ANKRD42: variants seen among roughly 807,000 people sequenced by gnomAD.
ANKRD42 encodes ankyrin repeat domain-containing protein 42.
ANKRD42 carries 43 observed loss-of-function variants against 51.5 expected under a neutral mutation model. The observed-to-expected ratio is 0.83, with a 90% confidence interval of 0.65 to 1.08. The LOEUF is 1.08. Ranked by LOEUF, ANKRD42 falls within the 50% of genes least tolerant of loss-of-function variation. The pLI, the probability that ANKRD42 is intolerant of heterozygous loss-of-function variation, is 0.00. For missense variants in ANKRD42, 608 were observed against 629.3 expected (o/e 0.97, Z 0.36); for synonymous variants, 203 against 213.0 (o/e 0.95, Z 0.41).
intron 8 of ANKRD42, among the ~76,000 whole-genome samples, chr11:83,237,799 T>A (rs1354350455): frequency 6.6e-6 from 1 of 152,200 alleles, no homozygotes; most frequent in Non-Finnish European, 1.5e-5. Flanking sequence ...TGTATGCGTA[T>A]CCTGTGAAAC....
rs1407741824 is a variant in ANKRD42 at position 83,194,617 on chromosome 11, C to T, written c.-54C>T. 20 of 1,582,874 alleles carry T rather than the reference C, an allele frequency of 1.3e-5. No homozygotes were observed. The highest frequency in any genetic ancestry group is 9.4e-5 in the African/African-American group (7 of 74,248). On this transcript the variant is annotated 5_prime_UTR_variant, in exon 1 of 11. Transcript: ENST00000533342. ...GTGGGTGAGAGCAAGTGAAGACCGC[C>T]GCAGCATCAGGGGCCTGGACTCAAC...
In ANKRD42 at chr11:83,194,158, G is replaced by T; in HGVS notation, c.-513G>T. 1 of 457,050 alleles carries T rather than the reference G, an allele frequency of 2.2e-6. No individual in the cohort carries two copies. Among genetic ancestry groups the T allele is most frequent in the South Asian group, 1.5e-5 (1 of 64,566 alleles). 28.3% of individuals were successfully genotyped at this position (457,050 alleles called of 1,614,324 possible). On this transcript the variant is annotated 5_prime_UTR_variant, in exon 1 of 11. Coordinates refer to ENST00000533342, the MANE Select transcript of ANKRD42 (RefSeq NM_001300975.2). ...AGACAGCACCTTCTGCAGCAGCGAC[G>T]TGAATTTTAGTGAAGTTGGAGGCCA...
intron 5 of ANKRD42, 47 bp downstream of exon 5, chr11:83,211,477 T>C (rs1305507067): frequency 6.3e-7 from 1 of 1,589,936 alleles, no homozygotes; most frequent in East Asian, 2.2e-5. Flanking sequence ...GATGTAAACT[T>C]TTAAATGTTT....
intron 8 of ANKRD42, among the ~76,000 whole-genome samples, chr11:83,237,467 A>G (rs1378749872): frequency 6.6e-6 from 1 of 152,214 alleles, no homozygotes; most frequent in Non-Finnish European, 1.5e-5. Context: ...ACAACACCTT[A>G]TATGTTTGAA....
intron 5 of ANKRD42, among the ~76,000 whole-genome samples, chr11:83,219,038 C>G (rs573995572): frequency 6.6e-6 from 1 of 152,028 alleles, no homozygotes; most frequent in African/African-American, 2.4e-5. Context: ...CAAATTTGTC[C>G]CAGTAATTCA....
Position 83,206,086 on chromosome 11 carries a change from C to G in ANKRD42, c.251C>G (p.Ala84Gly), listed in dbSNP as rs747686923. 6 of 1,613,866 alleles carry G rather than the reference C, an allele frequency of 3.7e-6. No individual in the cohort carries two copies. Among genetic ancestry groups the G allele is most frequent in the Non-Finnish European group, 5.1e-6 (6 of 1,179,918 alleles). Residue 84 changes from alanine (A) to glycine (G), a missense_variant, in exon 3 of 11, where the codon GCT becomes GGT. Physicochemically the swap from Ala to Gly is moderately conservative, Grantham distance 60. Coordinates refer to ENST00000533342, the MANE Select transcript of ANKRD42 (RefSeq NM_001300975.2). ...CTTCATTGGCTGCTCTGGCATGGAG[C>G]TGATATCACACACGTAACAACGAGA... ...ECLHWLLWHG[A>G]DITHVTTRGW... is the part of the protein sequence containing the mutation.
In ANKRD42 at chr11:83,236,490, C is replaced by G; in HGVS notation, c.1000C>G (p.Pro334Ala). 1 of 1,610,614 alleles carries G rather than the reference C, an allele frequency of 6.2e-7. No homozygotes were observed. The highest frequency in any genetic ancestry group is 8.5e-7 in the Non-Finnish European group (1 of 1,178,584). Reference sequence around the variant, plus strand: ...TATTACCAACAAAGCAGGGGAGAGACCCAGTGATGTGGCAAAGAGGTATAA... The same window carrying G: ...TATTACCAACAAAGCAGGGGAGAGAGCCAGTGATGTGGCAAAGAGGTATAA... ...SNITNKAGERPSDVAKRFAHL... is the reference protein window; with the variant it reads ...SNITNKAGERASDVAKRFAHL... Residue 334 changes from proline to alanine, a missense_variant, in exon 8 of 11, where the codon CCC (proline) becomes GCC (alanine). Pro to Ala is a conservative substitution (Grantham distance 27, BLOSUM62 -1). Transcript: ENST00000533342.
intron 4 of ANKRD42, among the ~76,000 whole-genome samples, chr11:83,210,849 G>A (rs542780169): frequency 2.0e-5 from 3 of 152,290 alleles, no homozygotes; most frequent in African/African-American, 7.2e-5. Context: ...ATTTTATTAT[G>A]TAGTGGTTGT....
chr11:83,238,896 C>G (rs1022990551), intron 8 of ANKRD42, among the ~76,000 whole-genome samples: 1 of 151,644 alleles, frequency 6.6e-6, no homozygotes, highest in Non-Finnish European at 1.5e-5. Flanking sequence ...GTCCCAGCTA[C>G]TACTTGGGAG....
chr11:83,209,641 C>G (rs1862228773), intron 3 of ANKRD42: 5 of 818,764 alleles, frequency 6.1e-6, no homozygotes, highest in Non-Finnish European at 1.1e-5. Flanking sequence ...AGAAATGAAG[C>G]TGGCAAGCTG....
In ANKRD42 at chr11:83,211,345, T is replaced by C; in HGVS notation, c.501T>C (p.Ala167=). 6.2e-7 allele frequency: 1 copy of C among 1,614,204 alleles called. No individual in the cohort carries two copies. The highest frequency in any genetic ancestry group is 8.5e-7 in the Non-Finnish European group (1 of 1,180,026). ...AATGGAGACCTGTGCATTATGCAGCTTTTCATGGGCGGCTTGGCTGCTTGC... is the reference window on the plus strand; with the variant it reads ...AATGGAGACCTGTGCATTATGCAGCCTTTCATGGGCGGCTTGGCTGCTTGC... ...KREWRPVHYA[A]FHGRLGCLQL... The change falls in exon 5 of 11, where the codon GCT becomes GCC. Residue 167 remains alanine (A), a synonymous_variant. Transcript: ENST00000533342.
In ANKRD42 at chr11:83,248,230, G is replaced by T. The variant is rs771620271; in HGVS notation, c.*26G>T. The T allele has an allele frequency of 2.0e-6, 3 of 1,466,064 alleles. No individual in the cohort carries two copies. The highest frequency in any genetic ancestry group is 2.7e-5 in the South Asian group (2 of 73,518). The allele number at this position is 1,466,064 out of a possible 1,614,324, so 90.8% of individuals were successfully genotyped here. ...TTTGGGCTACTCATTTAACCTTTTT[G>T]TGCCTCAACTATAAACTGGAGATGA... is the stretch of plus-strand genomic sequence containing the variant. On this transcript the variant is annotated 3_prime_UTR_variant, in exon 11 of 11. Transcript: ENST00000533342.
chr11:83,250,913 A>G (rs1321875469), downstream of ANKRD42, among the ~76,000 whole-genome samples: 1 of 152,140 alleles, frequency 6.6e-6, no homozygotes. Context: ...TATCTGAACT[A>G]CTGTGATAGA....
chr11:83,209,154 T>C lies in ANKRD42; in HGVS notation c.331-1146T>C, dbSNP rs186617130. On this transcript the variant is annotated intron_variant, in intron 3 of 10. Coordinates refer to ENST00000533342, the MANE Select transcript of ANKRD42 (RefSeq NM_001300975.2). ...TTCTGCTTTTGAATTAGTGAAAGTT[T>C]AATTTCAGTTTTATCAGGTTAGAAT... Among the ~76,000 whole-genome samples, 16 of 152,324 alleles carry C rather than the reference T, an allele frequency of 1.1e-4. No individual in the cohort carries two copies. The East Asian group carries it at 2.9e-3, about 28-fold the overall frequency.
At chr11:83,250,234 G>C (rs371644924), downstream of ANKRD42, among the ~76,000 whole-genome samples, 1 of 151,832 alleles carries the variant, frequency 6.6e-6, no homozygotes, top group African/African-American at 2.4e-5. Context: ...TAAGATCCTC[G>C]GCCCCCAACA....
chr11:83,236,942 A>G (rs1303902075), intron 8 of ANKRD42, among the ~76,000 whole-genome samples: 1 of 152,234 alleles, frequency 6.6e-6, no homozygotes, highest in African/African-American at 2.4e-5. Context: ...AAAATAAGTG[A>G]CTTGGATTTT....
chr11:83,224,846 T>C lies in ANKRD42; in HGVS notation c.587-9T>C. ...AAAAATTAAATTAATTTTTTTTCCT[T>C]TCCTCTAGTTCACTTAGCAGCCATG... is the stretch of plus-strand genomic sequence containing the variant. On this transcript the variant is annotated splice_polypyrimidine_tract_variant and intron_variant, in intron 5 of 10. Coordinates refer to ENST00000533342, the MANE Select transcript of ANKRD42 (RefSeq NM_001300975.2). The C allele has an allele frequency of 6.5e-7, 1 of 1,550,130 alleles. No individual in the cohort carries two copies. Among genetic ancestry groups the C allele is most frequent in the Non-Finnish European group, 8.7e-7 (1 of 1,152,864 alleles).
At chr11:83,259,235 G>C (rs2135572377), downstream of ANKRD42, 1 of 152,278 alleles carries the variant, frequency 6.6e-6, no homozygotes, top group Middle Eastern at 3.4e-3. Flanking sequence ...TGCTGGAATA[G>C]AGGTATAGTT....
chr11:83,211,687 T>G (rs1321525028), intron 5 of ANKRD42, among the ~76,000 whole-genome samples: 1 of 151,472 alleles, frequency 6.6e-6, no homozygotes, highest in Admixed American at 6.6e-5. Flanking sequence ...GGTGTGTGCC[T>G]GTAGTCTAAC....
Sources: allele counts gnomAD v4.1 joint callset (sites outside exome capture counted in the v4.1 genomes callset), GRCh38; gene constraint gnomAD v4.1.1; transcripts MANE v1.5; gene names NCBI Gene and HGNC (gene_info 2026-07-23, HGNC 2026-07-21).